NOSIP: variants seen among roughly 807,000 people sequenced by gnomAD.
The protein encoded by NOSIP is nitric oxide synthase-interacting protein.
NOSIP carries 25 observed loss-of-function variants against 36.4 expected under a neutral mutation model. The ratio of observed to expected loss-of-function variants is 0.69; its 90% CI spans 0.50 to 0.96. The LOEUF (loss-of-function observed/expected upper bound fraction) is 0.96. Among genes scored for constraint, NOSIP ranks in the 40% least tolerant of loss-of-function variants. NOSIP has a pLI of 0.00. For missense variants in NOSIP, 370 were observed against 429.0 expected, an observed-to-expected ratio of 0.86 and a Z score of 1.21; for synonymous variants, 187 against 179.2, an observed-to-expected ratio of 1.04 and a Z score of -0.35.
rs773691874 is a variant in NOSIP at position 49,558,878 on chromosome 19, T to G, written c.258+19A>C. 7.5e-6 allele frequency: 12 copies of G among 1,606,900 alleles called. No individual in the cohort carries two copies. In the Admixed American group the frequency reaches 1.7e-4, roughly 22 times the overall value. ...AAAGCTCCTGCCTCCGTGTGCCGCC[T>G]CCTCCCCATCCCCATCACCTTCATC... On this transcript the variant is annotated intron_variant, in intron 4 of 8. Coordinates refer to ENST00000596358, the MANE Select transcript of NOSIP (RefSeq NM_001270960.2).
At chr19:49,558,024 G>T in intron 4 of NOSIP, 1 of 720,414 alleles carries the variant, frequency 1.4e-6, no homozygotes, top group Non-Finnish European at 1.7e-6. Flanking sequence ...GGGAAGAGGG[G>T]GACAGACCCA....
At position 49,556,530 on chromosome 19, in the gene NOSIP, C is replaced by T. The variant is rs1412233320; in HGVS notation, c.725+19G>A. ...CAGGTTCCCGAGTGGTCCCTTCCCT[C>T]CCCTCCCAGGTGACTCACGAGGGCC... On this transcript the variant is annotated intron_variant, in intron 7 of 8. Transcript: ENST00000596358. The T allele has an allele frequency of 6.2e-7, 1 of 1,604,786 alleles. No individual in the cohort carries two copies. Among genetic ancestry groups the T allele is most frequent in the South Asian group, 1.1e-5 (1 of 90,976 alleles).
In NOSIP at chr19:49,568,802, GT is replaced by G. The variant is rs1568408606; in HGVS notation, c.-1-8111del. Among the ~76,000 whole-genome samples, 12 of 115,018 alleles carry G rather than the reference GT, an allele frequency of 1.0e-4. No individual in the cohort carries two copies. The East Asian group carries it at 2.2e-3, about 21-fold the overall frequency. 75.5% of individuals were successfully genotyped at this position (115,018 alleles called of 152,430 possible). ...TCTAAAAAAAAAAAAAAAATAGTTT[GT>G]TTGTTTGTTTTTTTTTTTGAGACAG... On this transcript the variant is annotated intron_variant, in intron 1 of 8. Coordinates refer to ENST00000596358, the MANE Select transcript of NOSIP (RefSeq NM_001270960.2).
At chr19:49,575,841 TAAA>T (rs1425870203) in intron 1 of NOSIP, among the ~76,000 whole-genome samples, 1 of 152,120 alleles carries the variant, frequency 6.6e-6, no homozygotes, top group Admixed American at 6.6e-5. Flanking sequence ...GTAAAAACGT[TAAA>T]AACCAGGCCA....
chr19:49,577,165 T>C (rs1185681854), intron 1 of NOSIP, among the ~76,000 whole-genome samples: 1 of 152,084 alleles, frequency 6.6e-6, no homozygotes, highest in Non-Finnish European at 1.5e-5. Flanking sequence ...GTGGTAGAAA[T>C]GTAAAATGGT....
At chr19:49,566,163 G>A (rs2080405562) in intron 1 of NOSIP, among the ~76,000 whole-genome samples, 1 of 151,970 alleles carries the variant, frequency 6.6e-6, no homozygotes, top group Admixed American at 6.6e-5. Context: ...GGCACTACAG[G>A]CGCTCGCCAC....
At chr19:49,565,296 T>G (rs942130927) in intron 1 of NOSIP, among the ~76,000 whole-genome samples, 6 of 150,024 alleles carry the variant, frequency 4.0e-5, no homozygotes, top group Non-Finnish European at 7.4e-5. Flanking sequence ...TCAGGTGCCT[T>G]TGGGAGGCAG....
At chr19:49,571,055 C>T (rs971821931) in intron 1 of NOSIP, among the ~76,000 whole-genome samples, 1 of 151,720 alleles carries the variant, frequency 6.6e-6, no homozygotes, top group Non-Finnish European at 1.5e-5. Context: ...CGGCTCACTG[C>T]AACCTCCACC....
At chr19:49,573,855 G>A (rs1372157111) in intron 1 of NOSIP, among the ~76,000 whole-genome samples, 1 of 147,276 alleles carries the variant, frequency 6.8e-6, no homozygotes, top group African/African-American at 2.5e-5. Flanking sequence ...CAGGACTGAA[G>A]TATTTTTTTT....
chr19:49,568,327 G>A (rs760052107), intron 1 of NOSIP, among the ~76,000 whole-genome samples: 1 of 152,122 alleles, frequency 6.6e-6, no homozygotes, highest in Non-Finnish European at 1.5e-5. Flanking sequence ...GGTTATTTGA[G>A]ATCTGATGGA....
chr19:49,576,634 C>T (rs2044346691), intron 1 of NOSIP, among the ~76,000 whole-genome samples: 1 of 151,666 alleles, frequency 6.6e-6, no homozygotes, highest in South Asian at 2.1e-4. Context: ...CCTGTAATCC[C>T]AGCACTTTGG....
At chr19:49,576,467 C>T (rs1273336763) in intron 1 of NOSIP, among the ~76,000 whole-genome samples, 1 of 151,876 alleles carries the variant, frequency 6.6e-6, no homozygotes, top group Non-Finnish European at 1.5e-5. Context: ...GTCCCAGCTA[C>T]TTGGGAGGCT....
At position 49,556,174 on chromosome 19, in the gene NOSIP, G is replaced by A. The variant is rs1316531472; in HGVS notation, c.834+143C>T. The A allele has an allele frequency of 9.9e-6, 4 of 404,824 alleles. No homozygotes were observed. The East Asian group carries it at 1.2e-4, about 12-fold the overall frequency. The allele number at this position is 404,824 out of a possible 1,614,324, so 25.1% of individuals were successfully genotyped here. ...GCGGGGCCTTGCAGGAGAAAGCGGG[G>A]GGGGGGGGCGGCCTTACAGAGCAGA... On this transcript the variant is annotated intron_variant, in intron 8 of 8. Coordinates refer to ENST00000596358, the MANE Select transcript of NOSIP (RefSeq NM_001270960.2).
At chr19:49,572,112 CTT>C in intron 1 of NOSIP, among the ~76,000 whole-genome samples, 1 of 118,016 alleles carries the variant, frequency 8.5e-6, no homozygotes, top group Non-Finnish European at 1.8e-5. Context: ...TTTTTTTTTT[CTT>C]TTTTTTTTGA....
intron 1 of NOSIP, among the ~76,000 whole-genome samples, chr19:49,563,003 A>G (rs578236776): frequency 1.3e-5 from 2 of 152,218 alleles, no homozygotes; most frequent in Admixed American, 6.5e-5. Context: ...CCAGCAACGT[A>G]AATGTGTAGC....
intron 1 of NOSIP, among the ~76,000 whole-genome samples, chr19:49,573,243 G>C (rs1018099505): frequency 6.6e-6 from 1 of 152,154 alleles, no homozygotes. Context: ...GCACTGTGCT[G>C]AACTCTGGGA....
At chr19:49,574,836 C>T (rs1209148435) in intron 1 of NOSIP, among the ~76,000 whole-genome samples, 3 of 151,746 alleles carry the variant, frequency 2.0e-5, no homozygotes, top group Admixed American at 1.3e-4. Context: ...GCTGGGATTA[C>T]AGGCGTCCAC....
At chr19:49,557,358 G>C in intron 4 of NOSIP, 109 bp from the exon 5 acceptor site, 1 of 1,460,246 alleles carries the variant, frequency 6.8e-7, no homozygotes, top group Non-Finnish European at 9.0e-7. Context: ...TCTGATGGAG[G>C]CACTATGTGG....
At chr19:49,567,639 A>G (rs974188606) in intron 1 of NOSIP, among the ~76,000 whole-genome samples, 1 of 152,136 alleles carries the variant, frequency 6.6e-6, no homozygotes, top group East Asian at 1.9e-4. Flanking sequence ...TGTAATGCCT[A>G]CAATCAACAA....
Sources: allele counts gnomAD v4.1 joint callset (sites outside exome capture counted in the v4.1 genomes callset), GRCh38; gene constraint gnomAD v4.1.1; transcripts MANE v1.5; gene names NCBI Gene and HGNC (gene_info 2026-07-23, HGNC 2026-07-21).